The following MACROD2 variants were observed in gnomAD, a reference collection of about 807,000 sequenced individuals.
MACROD2 encodes the protein mono-ADP ribosylhydrolase 2, also known as ADP-ribose glycohydrolase MACROD2.
MACROD2 carries 36 observed loss-of-function variants against 70.4 expected under a neutral mutation model. The observed-to-expected ratio is 0.51, with a 90% confidence interval of 0.39 to 0.68. MACROD2 has a LOEUF of 0.68. Ranked by LOEUF, MACROD2 falls within the 30% of genes least tolerant of loss-of-function variation. MACROD2 has a pLI of 0.00. For synonymous variants in MACROD2, 172 were observed against 178.8 expected, an observed-to-expected ratio of 0.96 and a Z score of 0.30; for missense variants, 496 against 538.4, an observed-to-expected ratio of 0.92 and a Z score of 0.78.
At chr20:14,459,888 C>A (rs1194786955) in intron 3 of MACROD2, among the ~76,000 whole-genome samples, 1 of 152,042 alleles carries the variant, frequency 6.6e-6, no homozygotes, top group African/African-American at 2.4e-5. Context: ...CTCTCACCCC[C>A]TGACAGGCCC....
intron 5 of MACROD2, among the ~76,000 whole-genome samples, chr20:15,187,025 A>G (rs2076539219): frequency 6.6e-6 from 1 of 152,254 alleles, no homozygotes; most frequent in Non-Finnish European, 1.5e-5. Flanking sequence ...TATTTTATTC[A>G]TTTGGAAACA....
chr20:14,593,528 C>T (rs1296343239), intron 4 of MACROD2, among the ~76,000 whole-genome samples: 1 of 152,068 alleles, frequency 6.6e-6, no homozygotes, highest in Non-Finnish European at 1.5e-5. Context: ...TGGCATCCTC[C>T]TTGGGAAAAA....
chr20:14,322,407 C>CTTTT (rs201800951), intron 3 of MACROD2, among the ~76,000 whole-genome samples: 3 of 134,402 alleles, frequency 2.2e-5, no homozygotes, highest in Admixed American at 7.6e-5. Flanking sequence ...AATATAATCT[C>CTTTT]TTTTTTTTTT....
chr20:15,049,405 T>C (rs2123047982), intron 5 of MACROD2, among the ~76,000 whole-genome samples: 1 of 152,128 alleles, frequency 6.6e-6, no homozygotes, highest in East Asian at 1.9e-4. Context: ...TCAGCTGAAG[T>C]CCACTGTTTT....
rs931424733 is a variant in MACROD2 at position 15,631,274 on chromosome 20, C to A, written c.645+131427C>A. 3.3e-5 allele frequency among the ~76,000 whole-genome samples: 5 copies of A among 152,186 alleles called. No homozygotes were observed. The South Asian group carries it at 1.0e-3, about 31-fold the overall frequency. On this transcript the variant is annotated intron_variant, in intron 8 of 17. Coordinates refer to ENST00000684519, the MANE Select transcript of MACROD2 (RefSeq NM_001351661.2). ...AGGCACTTCAGTAAAACATGCCCAT[C>A]TGCGTGTTCCACTGGACTAATGAAT...
At chr20:15,122,647 C>A (rs993382512) in intron 5 of MACROD2, among the ~76,000 whole-genome samples, 2 of 152,104 alleles carry the variant, frequency 1.3e-5, no homozygotes, top group Admixed American at 1.3e-4. Context: ...GATTTTTATT[C>A]TTTTTCATTA....
intron 2 of MACROD2, among the ~76,000 whole-genome samples, chr20:14,082,303 C>T (rs2054008643): frequency 6.7e-6 from 1 of 150,258 alleles, no homozygotes; most frequent in Non-Finnish European, 1.5e-5. Context: ...CTCAGCCTCC[C>T]AAGTAGCTAG....
At chr20:14,883,466 C>A (rs960895477) in intron 5 of MACROD2, among the ~76,000 whole-genome samples, 6 of 152,048 alleles carry the variant, frequency 3.9e-5, no homozygotes, top group African/African-American at 9.7e-5. Context: ...CTAATGTCAG[C>A]TTTTGAAGTG....
At chr20:15,101,618 G>A (rs1353053375) in intron 5 of MACROD2, among the ~76,000 whole-genome samples, 4 of 147,118 alleles carry the variant, frequency 2.7e-5, no homozygotes, top group Non-Finnish European at 6.0e-5. Flanking sequence ...GTGGTTGGAA[G>A]CTATTCATAT....
intron 5 of MACROD2, among the ~76,000 whole-genome samples, chr20:14,929,021 C>T (rs1406015144): frequency 1.3e-5 from 2 of 152,110 alleles, no homozygotes; most frequent in Admixed American, 6.5e-5. Flanking sequence ...TTATGAAGGG[C>T]CTTAAAATGA....
intron 6 of MACROD2, among the ~76,000 whole-genome samples, chr20:15,236,835 G>C (rs182421209): frequency 6.6e-6 from 1 of 152,342 alleles, no homozygotes; most frequent in East Asian, 1.9e-4. Flanking sequence ...TGAACAAAAA[G>C]TTGAGGTGGG....
chr20:15,965,429 T>A (rs935621301), intron 12 of MACROD2, among the ~76,000 whole-genome samples: 6 of 152,134 alleles, frequency 3.9e-5, no homozygotes, highest in Non-Finnish European at 7.4e-5. Context: ...ACGTTTCTTA[T>A]GTAATATTTG....
intron 5 of MACROD2, among the ~76,000 whole-genome samples, chr20:15,188,531 C>T (rs187940474): frequency 6.6e-6 from 1 of 152,144 alleles, no homozygotes; most frequent in Non-Finnish European, 1.5e-5. Flanking sequence ...CAGCACTGTT[C>T]ATTTTGTGTG....
intron 5 of MACROD2, among the ~76,000 whole-genome samples, chr20:14,811,098 A>G (rs1436599706): frequency 1.3e-5 from 2 of 152,132 alleles, no homozygotes; most frequent in Non-Finnish European, 2.9e-5. Context: ...TTTAAATTTC[A>G]TATGGAAACA....
rs144324518 is a variant in MACROD2, at chr20:14,068,836, G to C, written c.164-16785G>C. ...GATGGAAAGCCTTACATGGTGGGCT[G>C]TTTGGGATCCATTAAAGAACTTACA... On this transcript the variant is annotated intron_variant, in intron 2 of 17. Transcript: ENST00000684519. Among the ~76,000 whole-genome samples the C allele has an allele frequency of 6.8e-3, 1,041 of 152,324 alleles. 13 individuals carry two copies. Among genetic ancestry groups the C allele is most frequent in the African/African-American group, 0.023 (973 of 41,562 alleles).
chr20:14,757,982 GCTGGGA>G (rs2071964392), intron 5 of MACROD2: 1 of 833,174 alleles, frequency 1.2e-6, no homozygotes, highest in Admixed American at 1.7e-5. Context: ...GAAAGCCGAG[GCTGGGA>G]CTGGGTCAGC....
intron 3 of MACROD2, among the ~76,000 whole-genome samples, chr20:14,097,402 G>A (rs1023293156): frequency 6.6e-6 from 1 of 152,160 alleles, no homozygotes; most frequent in South Asian, 2.1e-4. Context: ...CTGTCTAATT[G>A]TAATTGGTTG....
chr20:14,018,591 A>G (rs1182849139), intron 2 of MACROD2, among the ~76,000 whole-genome samples: 1 of 152,112 alleles, frequency 6.6e-6, no homozygotes, highest in Non-Finnish European at 1.5e-5. Flanking sequence ...TCTTTCAGCT[A>G]AATTCTGCTT....
intron 3 of MACROD2, among the ~76,000 whole-genome samples, chr20:14,283,755 A>C (rs1289642745): frequency 4.6e-5 from 7 of 152,034 alleles, no homozygotes; most frequent in Non-Finnish European, 8.8e-5. Context: ...CTACCTTGGC[A>C]TACCAAAGTG....
Sources: allele counts gnomAD v4.1 joint callset (sites outside exome capture counted in the v4.1 genomes callset), GRCh38; gene constraint gnomAD v4.1.1; transcripts MANE v1.5; gene names NCBI Gene and HGNC (gene_info 2026-07-23, HGNC 2026-07-21).